The following LRRIQ3 variants were observed in gnomAD, a reference collection of about 807,000 sequenced individuals.
LRRIQ3 encodes leucine rich repeats and IQ motif containing 3, also known as leucine-rich repeat and IQ domain-containing protein 3.
LRRIQ3 carries 75 observed loss-of-function variants against 59.3 expected under a neutral mutation model. The observed-to-expected ratio is 1.26, with a 90% CI of 1.05 to 1.53. The LOEUF is 1.53. Ranked by LOEUF, LRRIQ3 falls within the 40% of genes most tolerant of loss-of-function variation. The pLI, the probability that LRRIQ3 is intolerant of heterozygous loss-of-function variation, is 0.00. For missense variants in LRRIQ3, 831 were observed against 710.0 expected (o/e 1.17, Z -1.94); for synonymous variants, 250 against 231.3 (o/e 1.08, Z -0.73).
At chr1:74,156,318 A>G (rs1648325881) in intron 3 of LRRIQ3, among the ~76,000 whole-genome samples, 1 of 152,066 alleles carries the variant, frequency 6.6e-6, no homozygotes, top group African/African-American at 2.4e-5. Context: ...CTTCCTATAT[A>G]CCCTATAGAA....
intron 6 of LRRIQ3, among the ~76,000 whole-genome samples, chr1:74,073,784 G>A (rs1406825445): frequency 6.6e-6 from 1 of 152,072 alleles, no homozygotes; most frequent in Non-Finnish European, 1.5e-5. Flanking sequence ...AGATTTGAAT[G>A]TTTAAGAATT....
chr1:74,031,185 A>G (rs1323170550), intron 7 of LRRIQ3, among the ~76,000 whole-genome samples: 2 of 152,196 alleles, frequency 1.3e-5, no homozygotes, highest in Non-Finnish European at 2.9e-5. Flanking sequence ...TAGTTCCACC[A>G]TTGTGGAAGA....
intron 4 of LRRIQ3, among the ~76,000 whole-genome samples, chr1:74,132,095 C>A (rs977287293): frequency 2.0e-5 from 3 of 151,760 alleles, no homozygotes; most frequent in African/African-American, 7.3e-5. Flanking sequence ...AGACAGAGAG[C>A]CAAATCATGA....
intron 5 of LRRIQ3, among the ~76,000 whole-genome samples, chr1:74,105,699 G>A (rs535696406): frequency 3.3e-5 from 5 of 152,002 alleles, no homozygotes; most frequent in Admixed American, 6.6e-5. Flanking sequence ...AATGGAAAGG[G>A]TTCACAGGGA....
chr1:74,163,929 C>A (rs1648809008), intron 3 of LRRIQ3, among the ~76,000 whole-genome samples: 1 of 151,058 alleles, frequency 6.6e-6, no homozygotes, highest in Admixed American at 6.6e-5. Flanking sequence ...TTAATTTTAG[C>A]CATTCTGAAT....
chr1:74,157,017 CA>C (rs901903721), intron 3 of LRRIQ3, among the ~76,000 whole-genome samples: 103 of 148,804 alleles, frequency 6.9e-4, no homozygotes, highest in Non-Finnish European at 3.9e-4. Flanking sequence ...TTACAGGAAA[CA>C]AAAAAAAAAT....
At chr1:74,143,509 T>C (rs1647364655) in intron 4 of LRRIQ3, among the ~76,000 whole-genome samples, 1 of 151,976 alleles carries the variant, frequency 6.6e-6, no homozygotes, top group African/African-American at 2.4e-5. Flanking sequence ...GGAAATTCAC[T>C]GTATGAAACA....
intron 4 of LRRIQ3, among the ~76,000 whole-genome samples, chr1:74,139,486 C>T (rs191142528): frequency 6.6e-6 from 1 of 151,986 alleles, no homozygotes; most frequent in African/African-American, 2.4e-5. Flanking sequence ...CCCATAAATA[C>T]CTTTATCTGA....
intron 3 of LRRIQ3, among the ~76,000 whole-genome samples, chr1:74,159,561 G>T (rs986955745): frequency 1.3e-5 from 2 of 151,876 alleles, no homozygotes; most frequent in African/African-American, 4.8e-5. Flanking sequence ...CTGTTTTGCT[G>T]GTTCATTTTC....
chr1:74,177,556 C>G (rs558315630), intron 3 of LRRIQ3, among the ~76,000 whole-genome samples: 1 of 152,210 alleles, frequency 6.6e-6, no homozygotes. Flanking sequence ...TTCAACTGTT[C>G]TATCGAGTCT....
chr1:74,062,898 G>A (rs185818444), intron 6 of LRRIQ3, among the ~76,000 whole-genome samples: 129 of 151,880 alleles, frequency 8.5e-4, no homozygotes, highest in African/African-American at 3.0e-3. Flanking sequence ...CTATTACCTG[G>A]GTGAGGAAAT....
At chr1:74,059,792 TATC>T (rs1654648869) in intron 6 of LRRIQ3, among the ~76,000 whole-genome samples, 1 of 152,110 alleles carries the variant, frequency 6.6e-6, no homozygotes, top group Admixed American at 6.6e-5. Context: ...TCAGTAGTAA[TATC>T]ATCTTAATTT....
At chr1:74,131,953 G>T (rs1647028404) in intron 4 of LRRIQ3, among the ~76,000 whole-genome samples, 1 of 152,140 alleles carries the variant, frequency 6.6e-6, no homozygotes, top group South Asian at 2.1e-4. Flanking sequence ...GTTTGCAGAT[G>T]AAATGACTGT....
intron 6 of LRRIQ3, among the ~76,000 whole-genome samples, chr1:74,060,363 C>T (rs1350397526): frequency 6.6e-6 from 1 of 150,592 alleles, no homozygotes; most frequent in Non-Finnish European, 1.5e-5. Flanking sequence ...CTTCTTCCTC[C>T]TCCTCCTCAT....
At chr1:74,086,932 T>C (rs1291872255) in intron 5 of LRRIQ3, among the ~76,000 whole-genome samples, 1 of 152,082 alleles carries the variant, frequency 6.6e-6, no homozygotes, top group East Asian at 1.9e-4. Flanking sequence ...ATCTGTAACA[T>C]TTCACCACCT....
chr1:74,187,620 A>T (rs989554293), intron 1 of LRRIQ3, among the ~76,000 whole-genome samples: 1 of 152,144 alleles, frequency 6.6e-6, no homozygotes, highest in Non-Finnish European at 1.5e-5. Flanking sequence ...ATAGAAGACT[A>T]CATACTGGGT....
intron 4 of LRRIQ3, among the ~76,000 whole-genome samples, chr1:74,132,702 C>G (rs1350878794): frequency 1.3e-5 from 2 of 152,090 alleles, no homozygotes; most frequent in Non-Finnish European, 2.9e-5. Flanking sequence ...ATACCTTATA[C>G]AAAAATTAAT....
At chr1:74,032,626 G>T (rs1398290497) in intron 7 of LRRIQ3, among the ~76,000 whole-genome samples, 1 of 152,040 alleles carries the variant, frequency 6.6e-6, no homozygotes, top group African/African-American at 2.4e-5. Context: ...AGGCTCATGT[G>T]ATACATTGGG....
intron 5 of LRRIQ3, among the ~76,000 whole-genome samples, chr1:74,106,678 C>A (rs1371799948): frequency 6.6e-6 from 1 of 151,922 alleles, no homozygotes; most frequent in Non-Finnish European, 1.5e-5. Flanking sequence ...ATATATTTTG[C>A]TTAGAACAGC....
Sources: gnomAD v4.1 joint callset for allele counts (sites outside exome capture counted in the v4.1 genomes callset) on GRCh38, gnomAD v4.1.1 for gene constraint, MANE v1.5 for transcripts, NCBI Gene and HGNC (gene_info 2026-07-23, HGNC 2026-07-21) for gene names.